The following CNTNAP2 variants were observed in gnomAD, a reference collection of about 807,000 sequenced individuals.
CNTNAP2 encodes contactin-associated protein-like 2.
In CNTNAP2, 98 loss-of-function variants were observed where a neutral mutation model predicts 155.2. The observed-to-expected ratio is 0.63, with a 90% CI of 0.54 to 0.75. The LOEUF is 0.75. Ranked by LOEUF, CNTNAP2 falls within the 30% of genes least tolerant of loss-of-function variation. The pLI is 0.00. For missense variants in CNTNAP2, 1,727 were observed against 1,688.1 expected (o/e 1.02, Z -0.40); for synonymous variants, 651 against 631.2 (o/e 1.03, Z -0.47).
chr7:146,898,528 A>G (rs1177241663), intron 3 of CNTNAP2, among the ~76,000 whole-genome samples: 1 of 151,976 alleles, frequency 6.6e-6, no homozygotes. Flanking sequence ...AACTCTTCTT[A>G]CTGCCTAAGG....
chr7:146,294,963 C>T (rs1044278577), intron 1 of CNTNAP2, among the ~76,000 whole-genome samples: 13 of 152,156 alleles, frequency 8.5e-5, no homozygotes, highest in African/African-American at 3.1e-4. Flanking sequence ...TAGCCATTAA[C>T]CAATTAATTA....
intron 11 of CNTNAP2, among the ~76,000 whole-genome samples, chr7:147,541,044 G>A (rs183843841): frequency 1.5e-4 from 23 of 152,252 alleles, no homozygotes; most frequent in Non-Finnish European, 2.9e-4. Context: ...AATAAAATGA[G>A]TTTTAGTGCT....
At chr7:147,606,963 C>T (rs1185834154) in intron 12 of CNTNAP2, among the ~76,000 whole-genome samples, 1 of 151,840 alleles carries the variant, frequency 6.6e-6, no homozygotes, top group Admixed American at 6.6e-5. Flanking sequence ...TCACCAAATG[C>T]ATTTGTACTT....
intron 18 of CNTNAP2, among the ~76,000 whole-genome samples, chr7:148,213,602 C>T (rs1585191798): frequency 1.3e-5 from 2 of 152,112 alleles, no homozygotes. Context: ...CTCCAAGTCC[C>T]AGGTCCACCT....
At chr7:146,774,190 G>T in intron 1 of CNTNAP2, 81 bp from the exon 2 acceptor site, 2 of 992,376 alleles carry the variant, frequency 2.0e-6, no homozygotes, top group African/African-American at 1.6e-5. Context: ...CAGATTCAAT[G>T]ATTTTTTAAC....
At chr7:146,674,130 A>G (rs921807732) in intron 1 of CNTNAP2, among the ~76,000 whole-genome samples, 7 of 152,184 alleles carry the variant, frequency 4.6e-5, no homozygotes, top group Non-Finnish European at 1.0e-4. Context: ...AGTAACTATC[A>G]GCTACAACTA....
intron 1 of CNTNAP2, among the ~76,000 whole-genome samples, chr7:146,655,799 TG>T (rs1168148628): frequency 6.6e-6 from 1 of 152,236 alleles, no homozygotes; most frequent in African/African-American, 2.4e-5. Context: ...TATGAATGTA[TG>T]GCTAATTGTA....
At chr7:146,985,866 T>C (rs1798106562) in intron 3 of CNTNAP2, among the ~76,000 whole-genome samples, 1 of 152,190 alleles carries the variant, frequency 6.6e-6, no homozygotes, top group South Asian at 2.1e-4. Context: ...GTCCAAACCC[T>C]GGCATTCAAT....
At chr7:147,178,196 G>A (rs570473480) in intron 8 of CNTNAP2, among the ~76,000 whole-genome samples, 1 of 152,290 alleles carries the variant, frequency 6.6e-6, no homozygotes, top group South Asian at 2.1e-4. Context: ...TGGGCTGAGT[G>A]TCATCACATG....
rs572552423 is a variant in CNTNAP2, at chr7:146,840,789, C to T, written c.402+885C>T. On this transcript the variant is annotated intron_variant, in intron 3 of 23. Transcript: ENST00000361727. Reference sequence around the variant, plus strand: ...GTCCCCAATTATTTTTTCTAAGTAACAAGAGTTTATAATTTCTAGCTAAAG... The same window carrying T: ...GTCCCCAATTATTTTTTCTAAGTAATAAGAGTTTATAATTTCTAGCTAAAG... Among the ~76,000 whole-genome samples the T allele has an allele frequency of 5.9e-5, 9 of 152,208 alleles. No homozygotes were observed. The South Asian group carries it at 1.9e-3, about 32-fold the overall frequency.
intron 1 of CNTNAP2, among the ~76,000 whole-genome samples, chr7:146,673,979 G>A (rs1800353231): frequency 6.6e-6 from 1 of 152,126 alleles, no homozygotes; most frequent in Non-Finnish European, 1.5e-5. Flanking sequence ...AAACCTTTAT[G>A]TACTTACTGT....
chr7:146,316,989 A>T (rs1800918197), intron 1 of CNTNAP2, among the ~76,000 whole-genome samples: 1 of 152,024 alleles, frequency 6.6e-6, no homozygotes, highest in Non-Finnish European at 1.5e-5. Flanking sequence ...CTCAAACTAA[A>T]CACTTTCAAT....
chr7:147,043,845 AGAGGACAT>A, intron 3 of CNTNAP2, 54 bp from the exon 4 acceptor site: 1 of 1,586,566 alleles, frequency 6.3e-7, no homozygotes, highest in Non-Finnish European at 8.6e-7. Flanking sequence ...TCTAGTAGAC[AGAGGACAT>A]GATTGTTTCT....
At chr7:146,748,123 GTTTTC>G (rs1198174429) in intron 1 of CNTNAP2, among the ~76,000 whole-genome samples, 53 of 132,296 alleles carry the variant, frequency 4.0e-4, no homozygotes, top group Non-Finnish European at 5.8e-4. Flanking sequence ...TCTATGTGGT[GTTTTC>G]TTTTCTTTTC....
At chr7:147,331,742 T>C (rs1795574094) in intron 9 of CNTNAP2, among the ~76,000 whole-genome samples, 1 of 152,184 alleles carries the variant, frequency 6.6e-6, no homozygotes, top group Non-Finnish European at 1.5e-5. Context: ...TAAAGACTCA[T>C]CGAGATTACT....
At chr7:146,641,938 A>G (rs1368406708) in intron 1 of CNTNAP2, among the ~76,000 whole-genome samples, 2 of 152,282 alleles carry the variant, frequency 1.3e-5, no homozygotes, top group African/African-American at 2.4e-5. Context: ...AGATTAAAAA[A>G]AGTTTTAAAA....
intron 11 of CNTNAP2, among the ~76,000 whole-genome samples, chr7:147,514,360 AATC>A (rs1189371850): frequency 2.6e-5 from 4 of 151,894 alleles, no homozygotes; most frequent in African/African-American, 9.7e-5. Flanking sequence ...AAATAAGTAA[AATC>A]ATGTATTTTA....
chr7:146,982,729 T>C (rs1264567500), intron 3 of CNTNAP2, among the ~76,000 whole-genome samples: 1 of 152,154 alleles, frequency 6.6e-6, no homozygotes, highest in Non-Finnish European at 1.5e-5. Flanking sequence ...CAGTGTTTCA[T>C]TTCCAGTATC....
At chr7:147,494,128 C>A (rs1798654047) in intron 11 of CNTNAP2, among the ~76,000 whole-genome samples, 1 of 152,168 alleles carries the variant, frequency 6.6e-6, no homozygotes, top group South Asian at 2.1e-4. Flanking sequence ...ATCATCCCAG[C>A]AGCTCCTTTA....
Sources: gnomAD v4.1 joint callset for allele counts (sites outside exome capture counted in the v4.1 genomes callset) on GRCh38, gnomAD v4.1.1 for gene constraint, MANE v1.5 for transcripts, NCBI Gene and HGNC (gene_info 2026-07-23, HGNC 2026-07-21) for gene names.